FBXO4: variants seen among roughly 807,000 people sequenced by gnomAD.
FBXO4 encodes the protein F-box protein 4, also known as F-box only protein 4.
FBXO4 carries 36 observed loss-of-function variants against 43.7 expected under a neutral mutation model. The ratio of observed to expected loss-of-function variants is 0.82; its 90% CI spans 0.63 to 1.09. The LOEUF is 1.09. FBXO4 is among the 50% of genes least tolerant of loss of function. The probability of loss-of-function intolerance (pLI) is 0.00; values close to 1 mark genes in which losing one functional copy is unlikely to be tolerated. For synonymous variants in FBXO4, 180 were observed against 165.6 expected, an observed-to-expected ratio of 1.09 and a Z score of -0.67; for missense variants, 435 against 474.1, an observed-to-expected ratio of 0.92 and a Z score of 0.77.
the FBXO4 span, among the ~76,000 whole-genome samples, chr5:41,996,221 G>A: frequency 6.6e-5 from 10 of 152,210 alleles, no homozygotes; most frequent in African/African-American, 2.4e-4. Flanking sequence ...TCCATTTGAT[G>A]ATGGAATGCT....
chr5:41,941,774 A>G, downstream of FBXO4: 1 of 152,964 alleles, frequency 6.5e-6, no homozygotes, highest in South Asian at 2.0e-4. Context: ...TATTATGGCC[A>G]TACAATCTGT....
the FBXO4 span, among the ~76,000 whole-genome samples, chr5:41,988,933 T>C: frequency 6.6e-6 from 1 of 152,222 alleles, no homozygotes; most frequent in African/African-American, 2.4e-5. Context: ...TTAACAAAGC[T>C]GTGGAAAGCA....
chr5:41,953,631 T>C, the FBXO4 span, among the ~76,000 whole-genome samples: 1 of 151,328 alleles, frequency 6.6e-6, no homozygotes, highest in Non-Finnish European at 1.5e-5. Flanking sequence ...AAAGTGTTCC[T>C]ATTTCTCCAC....
At chr5:42,038,288 T>C in the FBXO4 span, among the ~76,000 whole-genome samples, 1 of 152,068 alleles carries the variant, frequency 6.6e-6, no homozygotes, top group Admixed American at 6.6e-5. Flanking sequence ...GAAAAGCAGT[T>C]ATGGATAGAT....
At chr5:41,987,374 T>G in the FBXO4 span, among the ~76,000 whole-genome samples, 1 of 152,164 alleles carries the variant, frequency 6.6e-6, no homozygotes. Flanking sequence ...AGTTAAATAA[T>G]TTTTCAAAGG....
At chr5:42,017,960 G>T in the FBXO4 span, among the ~76,000 whole-genome samples, 9 of 151,798 alleles carry the variant, frequency 5.9e-5, no homozygotes, top group Non-Finnish European at 2.9e-5. Flanking sequence ...TATATACTCA[G>T]TAATTAGATT....
At chr5:42,023,948 G>C in the FBXO4 span, among the ~76,000 whole-genome samples, 9 of 152,066 alleles carry the variant, frequency 5.9e-5, no homozygotes, top group African/African-American at 2.2e-4. Context: ...CTTCCCCTCT[G>C]ATCAGGTTTG....
chr5:41,934,068 C>T (rs1243611137), intron 4 of FBXO4, 47 bp downstream of exon 4: 2 of 1,609,968 alleles, frequency 1.2e-6, no homozygotes, highest in Non-Finnish European at 1.7e-6. Context: ...AGAACTAAAA[C>T]ATTTCAGGTG....
At chr5:41,992,582 T>A in the FBXO4 span, among the ~76,000 whole-genome samples, 1 of 152,206 alleles carries the variant, frequency 6.6e-6, no homozygotes, top group Non-Finnish European at 1.5e-5. Context: ...GGGACAGCAA[T>A]GGTCTCTAGA....
At chr5:41,957,898 G>A in the FBXO4 span, among the ~76,000 whole-genome samples, 6 of 152,112 alleles carry the variant, frequency 3.9e-5, no homozygotes, top group African/African-American at 9.6e-5. Flanking sequence ...GACAACTAAC[G>A]TGGAGATATG....
chr5:41,967,394 T>A, the FBXO4 span: 4 of 521,222 alleles, frequency 7.7e-6, no homozygotes, highest in South Asian at 5.0e-5. Flanking sequence ...TGCTTCTCCC[T>A]TGGTCATATT....
chr5:41,984,330 T>C, the FBXO4 span, among the ~76,000 whole-genome samples: 1 of 152,204 alleles, frequency 6.6e-6, no homozygotes, highest in Admixed American at 6.5e-5. Context: ...TCAAATTTAC[T>C]TTATGCAGAC....
chr5:42,009,815 A>G, the FBXO4 span, among the ~76,000 whole-genome samples: 114 of 152,250 alleles, frequency 7.5e-4, no homozygotes, highest in Non-Finnish European at 1.3e-3. Flanking sequence ...TGTGCAGATT[A>G]GTGGCACTAA....
chr5:42,027,334 A>G, the FBXO4 span, among the ~76,000 whole-genome samples: 1 of 143,704 alleles, frequency 7.0e-6, no homozygotes, highest in East Asian at 2.0e-4. Flanking sequence ...AACTATGAGC[A>G]TACAGTTGCT....
chr5:42,004,718 A>C, the FBXO4 span, among the ~76,000 whole-genome samples: 7 of 152,210 alleles, frequency 4.6e-5, no homozygotes, highest in Non-Finnish European at 8.8e-5. Flanking sequence ...ATTCCAGTTC[A>C]ATTTCTGCTA....
the FBXO4 span, among the ~76,000 whole-genome samples, chr5:41,961,946 GCT>G: frequency 6.6e-6 from 1 of 152,104 alleles, no homozygotes; most frequent in Non-Finnish European, 1.5e-5. Context: ...TTTGTTCCTT[GCT>G]CTCTCCTGGC....
At chr5:41,935,430 T>C (rs1751824990) in intron 5 of FBXO4, among the ~76,000 whole-genome samples, 1 of 152,234 alleles carries the variant, frequency 6.6e-6, no homozygotes, top group Admixed American at 6.5e-5. Context: ...CTTTTCTCAA[T>C]GAAGCCAAAG....
chr5:41,939,834 A>ATTTTTT (rs60238550), intron 6 of FBXO4, among the ~76,000 whole-genome samples: 140 of 79,340 alleles, frequency 1.8e-3, no homozygotes, highest in Middle Eastern at 0.011. Context: ...ACAATTGGGG[A>ATTTTTT]TTTTTTTTTT....
the FBXO4 span, among the ~76,000 whole-genome samples, chr5:42,001,342 C>T: frequency 6.6e-6 from 1 of 152,002 alleles, no homozygotes; most frequent in Non-Finnish European, 1.5e-5. Flanking sequence ...TGATTCTCCT[C>T]TCTCACCTTC....
Sources: allele counts gnomAD v4.1 joint callset (sites outside exome capture counted in the v4.1 genomes callset), GRCh38; gene constraint gnomAD v4.1.1; transcripts MANE v1.5; gene names NCBI Gene and HGNC (gene_info 2026-07-23, HGNC 2026-07-21).